Variants in SEMA3A observed in about 807,000 individuals in gnomAD.
SEMA3A encodes semaphorin-3A.
A neutral mutation model predicts 97.9 loss-of-function variants in SEMA3A; 29 were observed. The ratio of observed to expected loss-of-function variants is 0.30; its 90% CI spans 0.22 to 0.40. The LOEUF is 0.40. SEMA3A is among the 10% of genes least tolerant of loss of function. The pLI is 1.00. For synonymous variants in SEMA3A, 321 were observed against 323.7 expected (o/e 0.99, Z 0.09); for missense variants, 763 against 951.3 (o/e 0.80, Z 2.60).
chr7:84,214,259 G>A (rs766688282), intron 3 of SEMA3A, among the ~76,000 whole-genome samples: 3 of 152,108 alleles, frequency 2.0e-5, no homozygotes, highest in Non-Finnish European at 4.4e-5. Flanking sequence ...ATGTCTGACA[G>A]TAAAGCTCCT....
At chr7:84,370,189 A>G (rs1027547605) in intron 2 of SEMA3A, among the ~76,000 whole-genome samples, 17 of 151,672 alleles carry the variant, frequency 1.1e-4, no homozygotes, top group Admixed American at 4.6e-4. Flanking sequence ...CAGGCAAAGG[A>G]AGCAATTGCT....
intron 1 of SEMA3A, among the ~76,000 whole-genome samples, chr7:84,442,475 C>A (rs759721652): frequency 1.1e-4 from 16 of 151,406 alleles, no homozygotes; most frequent in Non-Finnish European, 2.1e-4. Flanking sequence ...AGAATAAACA[C>A]AATAAGCAAT....
intron 3 of SEMA3A, among the ~76,000 whole-genome samples, chr7:84,121,058 G>A (rs1183525503): frequency 6.6e-6 from 1 of 151,876 alleles, no homozygotes; most frequent in Non-Finnish European, 1.5e-5. Context: ...TGATGGAGAT[G>A]TTATGTTTAT....
chr7:84,248,695 C>G (rs1799530919), intron 3 of SEMA3A, among the ~76,000 whole-genome samples: 1 of 152,086 alleles, frequency 6.6e-6, no homozygotes, highest in African/African-American at 2.4e-5. Context: ...CTAAGCATAT[C>G]TCCTAAAACA....
rs1584515917 is a variant in SEMA3A, at chr7:83,991,914, C to T, written c.1453-6437G>A. Among the ~76,000 whole-genome samples the T allele has an allele frequency of 6.1e-5, 9 of 147,980 alleles. No homozygotes were observed. In the East Asian group the frequency reaches 1.8e-3, roughly 29 times the overall value. On this transcript the variant is annotated intron_variant, in intron 12 of 16. Coordinates refer to ENST00000265362, the MANE Select transcript of SEMA3A (RefSeq NM_006080.3). ...GGAATGGTACCAGTTCCTCCTTGTA[C>T]CTCTGTTAGAATTCGGCTGTGAATC... is the stretch of plus-strand genomic sequence containing the variant.
chr7:84,048,737 C>A (rs1263270092), intron 5 of SEMA3A, among the ~76,000 whole-genome samples: 1 of 151,828 alleles, frequency 6.6e-6, no homozygotes, highest in Non-Finnish European at 1.5e-5. Flanking sequence ...TTTAGTCAGA[C>A]CATGTCAACA....
chr7:84,103,108 G>A (rs981701884), intron 4 of SEMA3A, among the ~76,000 whole-genome samples: 1 of 152,126 alleles, frequency 6.6e-6, no homozygotes, highest in African/African-American at 2.4e-5. Context: ...CAATTTTGCA[G>A]TGTGAACATA....
chr7:84,181,513 C>T (rs1257976978), intron 1 of SEMA3A, among the ~76,000 whole-genome samples: 3 of 151,962 alleles, frequency 2.0e-5, no homozygotes, highest in Non-Finnish European at 4.4e-5. Flanking sequence ...TGTCTAACTA[C>T]AGCTACTTAC....
intron 6 of SEMA3A, among the ~76,000 whole-genome samples, chr7:84,024,557 G>GC (rs773906047): frequency 1.3e-4 from 19 of 151,450 alleles, no homozygotes; most frequent in Admixed American, 9.9e-4. Context: ...CACACCCAAT[G>GC]CCCCCCCACA....
At position 84,447,413 on chromosome 7, in the gene SEMA3A, GT is replaced by G. The variant is rs112321957; in HGVS notation, c.-246+45046del. Among the ~76,000 whole-genome samples, 526 of 152,256 alleles carry G rather than the reference GT, an allele frequency of 3.5e-3. 4 individuals are homozygous for G. Among genetic ancestry groups the G allele is most frequent in the African/African-American group, 0.012 (512 of 41,564 alleles). On this transcript the variant is annotated intron_variant, in intron 1 of 3. Coordinates refer to the SEMA3A transcript ENST00000424555. ...GGCCAGGCTGTCAGTTCCTGGTGGA[GT>G]CCCCCACACAGAGTGAGAACTTGTG...
chr7:84,465,579 T>C (rs1805970021), intron 1 of SEMA3A, among the ~76,000 whole-genome samples: 1 of 152,180 alleles, frequency 6.6e-6, no homozygotes, highest in African/African-American at 2.4e-5. Context: ...TATTTCTAAC[T>C]GCAAATGTTT....
At chr7:84,312,981 AT>A (rs1801381059) in intron 2 of SEMA3A, among the ~76,000 whole-genome samples, 2 of 139,046 alleles carry the variant, frequency 1.4e-5, no homozygotes, top group Admixed American at 7.6e-5. Flanking sequence ...TATAATATAC[AT>A]TATACATGTG....
At chr7:84,365,447 G>C (rs952333360) in intron 2 of SEMA3A, among the ~76,000 whole-genome samples, 7 of 151,034 alleles carry the variant, frequency 4.6e-5, no homozygotes, top group African/African-American at 1.5e-4. Context: ...CAGTGTCACA[G>C]AGCTCATAGG....
chr7:84,443,672 T>C (rs1180458774), intron 1 of SEMA3A, among the ~76,000 whole-genome samples: 1 of 152,194 alleles, frequency 6.6e-6, no homozygotes, highest in African/African-American at 2.4e-5. Context: ...CTTTCATGGT[T>C]GTTTTCCTGC....
intron 2 of SEMA3A, among the ~76,000 whole-genome samples, chr7:84,130,915 G>T (rs895431531): frequency 2.0e-5 from 3 of 151,854 alleles, no homozygotes; most frequent in Non-Finnish European, 2.9e-5. Context: ...TACTTAAAAA[G>T]ACAAGTTGTT....
rs376588323 is a variant in SEMA3A at position 83,994,734 on chromosome 7, C to A, written c.1452+7221G>T. ...CTCTCTTCAAAGCTGTCAGACAGGG[C>A]CATTTAAGTCTGCAGAGGTTACTGC... is the stretch of plus-strand genomic sequence containing the variant. On this transcript the variant is annotated intron_variant, in intron 12 of 16. Transcript: ENST00000265362. 1.9e-4 allele frequency among the ~76,000 whole-genome samples: 29 copies of A among 150,906 alleles called. 1 individual carries two copies. The highest frequency in any genetic ancestry group is 4.1e-4 in the African/African-American group (17 of 41,062).
chr7:84,165,336 C>T (rs905664090), intron 1 of SEMA3A, among the ~76,000 whole-genome samples: 2 of 152,054 alleles, frequency 1.3e-5, no homozygotes, highest in African/African-American at 4.8e-5. Flanking sequence ...ATTTGGACAA[C>T]AATATATATT....
rs892094773 is a variant in SEMA3A at position 84,307,203 on chromosome 7, T to C, written c.-83+4A>G. The C allele has an allele frequency of 2.6e-5, 4 of 152,118 alleles. No individual in the cohort carries two copies. In the South Asian group the frequency reaches 8.3e-4, roughly 32 times the overall value. 9.4% of individuals were successfully genotyped at this position (152,118 alleles called of 1,614,324 possible). A position where few individuals can be genotyped will look rare whatever the true frequency, so the allele number is the denominator to read the frequency against. ...GCCAATGTGTATAAGTTTAATTATC[T>C]TACCTTCTTTTAGGAAAAATTCTTA... On this transcript the variant is annotated splice_donor_region_variant and intron_variant, in intron 3 of 3. Coordinates refer to the SEMA3A transcript ENST00000424555.
At chr7:84,471,676 G>A (rs557838709) in intron 1 of SEMA3A, among the ~76,000 whole-genome samples, 1 of 152,098 alleles carries the variant, frequency 6.6e-6, no homozygotes, top group African/African-American at 2.4e-5. Flanking sequence ...GAGAATGAAA[G>A]CGTTATGAAA....
Sources: allele counts gnomAD v4.1 joint callset (sites outside exome capture counted in the v4.1 genomes callset), GRCh38; gene constraint gnomAD v4.1.1; transcripts MANE v1.5; gene names NCBI Gene and HGNC (gene_info 2026-07-23, HGNC 2026-07-21).